ULK4: variants seen among roughly 807,000 people sequenced by gnomAD.
ULK4 encodes unc-51 like kinase 4, also known as inactive serine/threonine-protein kinase ULK4.
A neutral mutation model predicts 160.6 loss-of-function variants in ULK4; 133 were observed. The ratio of observed to expected loss-of-function variants is 0.83; its 90% CI spans 0.72 to 0.96. ULK4 has a LOEUF of 0.96. Among genes scored for constraint, ULK4 ranks in the 40% least tolerant of loss-of-function variants. The probability of loss-of-function intolerance (pLI) is 0.00; values close to 1 mark genes in which losing one functional copy is unlikely to be tolerated. For missense variants in ULK4, 1,580 were observed against 1,499.5 expected, an observed-to-expected ratio of 1.05 and a Z score of -0.89; for synonymous variants, 534 against 539.8, an observed-to-expected ratio of 0.99 and a Z score of 0.15.
rs373515752 is a variant in ULK4 at position 41,394,312 on chromosome 3, G to C, written c.3678+3767C>G. Among the ~76,000 whole-genome samples, 27 of 152,204 alleles carry C rather than the reference G, an allele frequency of 1.8e-4. No homozygotes were observed. The East Asian group carries it at 5.0e-3, about 28-fold the overall frequency. ...TAAATCAGTCCAGAAGCATGAGACAGGTAGTATCACACTCCTCTTTGGGTA... is the reference window on the plus strand; with the variant it reads ...TAAATCAGTCCAGAAGCATGAGACACGTAGTATCACACTCCTCTTTGGGTA... On this transcript the variant is annotated intron_variant, in intron 35 of 36. Coordinates refer to ENST00000301831, the MANE Select transcript of ULK4 (RefSeq NM_017886.4).
chr3:41,254,421 A>G (rs1464362911), intron 35 of ULK4, among the ~76,000 whole-genome samples: 1 of 152,218 alleles, frequency 6.6e-6, no homozygotes, highest in Non-Finnish European at 1.5e-5. Flanking sequence ...TCCAAGAAAA[A>G]TTAGAAAATA....
intron 32 of ULK4, among the ~76,000 whole-genome samples, chr3:41,473,198 T>C (rs2084038552): frequency 6.6e-6 from 1 of 152,126 alleles, no homozygotes; most frequent in South Asian, 2.1e-4. Flanking sequence ...GGATGCCCAC[T>C]CTTGCCACTT....
Position 41,398,060 on chromosome 3 carries a change from G to C in ULK4, c.3678+19C>G, listed in dbSNP as rs6803838. 1,189 of 1,602,716 alleles carry C rather than the reference G, an allele frequency of 7.4e-4. 5 individuals are homozygous for C. In the African/African-American group the frequency reaches 0.014, roughly 19 times the overall value. On this transcript the variant is annotated intron_variant, in intron 35 of 36. Coordinates refer to ENST00000301831, the MANE Select transcript of ULK4 (RefSeq NM_017886.4). The stretch of plus-strand genomic sequence containing the variant: ...CAGCAAAGCCACCCACAGTGTCCCC[G>C]GTTTCTGTGTGAACTCACCATTCTT...
intron 22 of ULK4, among the ~76,000 whole-genome samples, chr3:41,723,897 A>G (rs1435280631): frequency 1.3e-5 from 2 of 152,214 alleles, no homozygotes; most frequent in East Asian, 3.8e-4. Context: ...AACACTCTGC[A>G]TGTGCTCTTC....
chr3:41,314,025 G>A (rs2080101955), intron 35 of ULK4, among the ~76,000 whole-genome samples: 1 of 152,226 alleles, frequency 6.6e-6, no homozygotes, highest in East Asian at 1.9e-4. Context: ...AGCAAGCGTC[G>A]ACTGCCACCT....
chr3:41,506,898 C>G (rs1007775715), intron 32 of ULK4, among the ~76,000 whole-genome samples: 1 of 146,836 alleles, frequency 6.8e-6, no homozygotes, highest in African/African-American at 2.5e-5. Context: ...TAGCAGAATG[C>G]GCATTGGCGG....
intron 27 of ULK4, among the ~76,000 whole-genome samples, chr3:41,700,996 T>C (rs1319478747): frequency 6.6e-6 from 1 of 151,704 alleles, no homozygotes; most frequent in Non-Finnish European, 1.5e-5. Context: ...AGGGGCATAG[T>C]AGAAGACAGG....
intron 17 of ULK4, among the ~76,000 whole-genome samples, chr3:41,873,027 C>T (rs1697157273): frequency 6.6e-6 from 1 of 152,026 alleles, no homozygotes; most frequent in Non-Finnish European, 1.5e-5. Context: ...GTGGTAGACA[C>T]CTGTAATCCC....
chr3:41,554,400 C>T (rs2087205887), intron 32 of ULK4, among the ~76,000 whole-genome samples: 1 of 152,088 alleles, frequency 6.6e-6, no homozygotes, highest in Non-Finnish European at 1.5e-5. Flanking sequence ...ATATCATTTG[C>T]AGCAACATGG....
chr3:41,434,796 A>G (rs1249030513), intron 34 of ULK4, among the ~76,000 whole-genome samples: 1 of 152,204 alleles, frequency 6.6e-6, no homozygotes, highest in Admixed American at 6.5e-5. Flanking sequence ...GTTTTACATT[A>G]TAGTATGTTT....
intron 18 of ULK4, among the ~76,000 whole-genome samples, chr3:41,821,656 T>C (rs1277430705): frequency 1.3e-5 from 2 of 152,158 alleles, no homozygotes; most frequent in African/African-American, 2.4e-5. Context: ...CCTCTGGGTC[T>C]TTCCTGTTTC....
At chr3:41,378,564 T>C (rs1420949360) in intron 35 of ULK4, among the ~76,000 whole-genome samples, 3 of 150,822 alleles carry the variant, frequency 2.0e-5, no homozygotes, top group Non-Finnish European at 4.4e-5. Context: ...TTCTCACTCA[T>C]AGGTGGGAAC....
At chr3:41,945,842 T>G (rs138394636) in intron 2 of ULK4, among the ~76,000 whole-genome samples, 1 of 152,300 alleles carries the variant, frequency 6.6e-6, no homozygotes, top group Non-Finnish European at 1.5e-5. Context: ...TTCTTAGTCA[T>G]GTAGGCCAAA....
At chr3:41,601,230 A>G (rs1355710360) in intron 31 of ULK4, among the ~76,000 whole-genome samples, 3 of 152,202 alleles carry the variant, frequency 2.0e-5, no homozygotes, top group African/African-American at 7.2e-5. Flanking sequence ...ATTTTTATAT[A>G]ATCCTACTCT....
chr3:41,331,265 G>C lies in ULK4; in HGVS notation c.3678+66814C>G, dbSNP rs560301461. Among the ~76,000 whole-genome samples, 4 of 152,200 alleles carry C rather than the reference G, an allele frequency of 2.6e-5. No homozygotes were observed. The South Asian group carries it at 8.3e-4, about 31-fold the overall frequency. ...CCACAACTGAGGAAATGGCACAGCA[G>C]TGATGCATGTAAGAGACATTAAGAG... is the stretch of plus-strand genomic sequence containing the variant. On this transcript the variant is annotated intron_variant, in intron 35 of 36. Coordinates refer to ENST00000301831, the MANE Select transcript of ULK4 (RefSeq NM_017886.4).
At chr3:41,470,799 G>A (rs144918613) in intron 32 of ULK4, among the ~76,000 whole-genome samples, 28 of 152,262 alleles carry the variant, frequency 1.8e-4, no homozygotes, top group African/African-American at 6.7e-4. Flanking sequence ...GATGTTCTAT[G>A]TAAGTCTCAT....
chr3:41,276,499 GAA>G (rs1337523000), intron 35 of ULK4, among the ~76,000 whole-genome samples: 1 of 152,186 alleles, frequency 6.6e-6, no homozygotes, highest in Non-Finnish European at 1.5e-5. Flanking sequence ...ACATGTGATA[GAA>G]AAAGAATAAA....
intron 1 of ULK4, among the ~76,000 whole-genome samples, chr3:41,957,630 T>G (rs1700528310): frequency 6.6e-6 from 1 of 151,942 alleles, no homozygotes; most frequent in Middle Eastern, 3.4e-3. Context: ...AAAGAACTGC[T>G]TGAGCCCAGG....
intron 17 of ULK4, among the ~76,000 whole-genome samples, chr3:41,844,157 G>A (rs1460443117): frequency 2.0e-5 from 3 of 152,226 alleles, no homozygotes; most frequent in South Asian, 4.1e-4. Flanking sequence ...CCAGTCCCGT[G>A]CCCTGTGCCC....
Sources: gnomAD v4.1 joint callset for allele counts (sites outside exome capture counted in the v4.1 genomes callset) on GRCh38, gnomAD v4.1.1 for gene constraint, MANE v1.5 for transcripts, NCBI Gene and HGNC (gene_info 2026-07-23, HGNC 2026-07-21) for gene names.